The following RASAL3 variants were observed in gnomAD, a reference collection of about 807,000 sequenced individuals.
RASAL3 encodes the protein RAS protein activator like 3.
Under a neutral mutation model 105.5 loss-of-function variants are expected in RASAL3, and 74 were observed. That is an observed-to-expected ratio of 0.70 (90% CI 0.58 to 0.85). The LOEUF is 0.85. RASAL3 is among the 40% of genes least tolerant of loss of function. The pLI is 0.00. For missense variants in RASAL3, 1,352 were observed against 1,392.0 expected, an observed-to-expected ratio of 0.97 and a Z score of 0.46; for synonymous variants, 579 against 591.6, an observed-to-expected ratio of 0.98 and a Z score of 0.31.
At chr19:15,455,421 G>T (rs1970286306) in intron 11 of RASAL3, among the ~76,000 whole-genome samples, 1 of 152,156 alleles carries the variant, frequency 6.6e-6, no homozygotes, top group South Asian at 2.1e-4. Flanking sequence ...GTCACTTAAA[G>T]CCAGGGATCA....
At chr19:15,458,792 G>T (rs867056230) in intron 6 of RASAL3, 137 bp from the exon 7 acceptor site, 7 of 889,314 alleles carry the variant, frequency 7.9e-6, no homozygotes, top group African/African-American at 3.5e-5. Flanking sequence ...CCCACCCCCC[G>T]CCATGGCACC....
At chr19:15,463,987 G>A (rs533843924) in intron 2 of RASAL3, 44 bp downstream of exon 2, 12 of 1,494,762 alleles carry the variant, frequency 8.0e-6, no homozygotes, top group Admixed American at 6.9e-5. Flanking sequence ...CCAAGCATCC[G>A]GCTTCCCAGC....
chr19:15,459,554 T>C (rs1449577871), intron 6 of RASAL3, among the ~76,000 whole-genome samples: 37 of 152,068 alleles, frequency 2.4e-4, no homozygotes, highest in Admixed American at 2.4e-3. Context: ...CTATTTATTT[T>C]TGAGACACAA....
chr19:15,454,843 C>T lies in RASAL3; in HGVS notation c.1772G>A (p.Cys591Tyr). The change falls in exon 12 of 18, where the codon TGT becomes TAT. Residue 591 changes from cysteine to tyrosine, a missense_variant. This residue lies in a region of RASAL3 where 920 missense variants were observed against 919.6 expected (regional missense o/e 1.00). Transcript: ENST00000343625. ...GIVFSSWREA[C>Y]KERGSEVLGP... ...CAGCACCTCAGAGCCACGTTCTTTA[C>T]ATGCTTCTCGCCAGCTTGAGAACAC... 6.3e-7 allele frequency: 1 copy of T among 1,581,354 alleles called. No homozygotes were observed. The highest frequency in any genetic ancestry group is 8.6e-7 in the Non-Finnish European group (1 of 1,164,016).
At position 15,454,209 on chromosome 19, in the gene RASAL3, T is replaced by C. The variant is rs1240549405; in HGVS notation, c.2219A>G (p.Gln740Arg). 1 of 1,571,244 alleles carries C rather than the reference T, an allele frequency of 6.4e-7. No individual in the cohort carries two copies. The highest frequency in any genetic ancestry group is 1.4e-5 in the African/African-American group (1 of 74,072). ...PTILRAIEEG[Q>R]PVLVSVPMRL... ...CATTGGCACTGACACAAGCACAGGC[T>C]GGCCCTCCTCAATGGCTCGCAGGAT... Residue 740 changes from glutamine (Q) to arginine (R), a missense_variant, in exon 14 of 18, where the codon CAG becomes CGG. By Grantham distance (43) the Gln-to-Arg change is conservative. Around this residue, in one of 3 missense-constraint regions of RASAL3, gnomAD observed 920 missense variants for 919.6 expected, o/e 1.00. Coordinates refer to ENST00000343625, the MANE Select transcript of RASAL3 (RefSeq NM_022904.3).
In RASAL3 at chr19:15,461,579, G is replaced by C; in HGVS notation, c.357C>G (p.Pro119=). Residue 119 remains proline (P), a synonymous_variant, in exon 3 of 18, where the codon CCC becomes CCG. Coordinates refer to ENST00000343625, the MANE Select transcript of RASAL3 (RefSeq NM_022904.3). ...PELEPEPELE[P]PTPQIPEAPT... Reference sequence around the variant, plus strand: ...GGGCCTCAGGGATCTGTGGGGTAGGGGGCTCCAGCTCTGGCTCCGGCTCCA... The same window carrying C: ...GGGCCTCAGGGATCTGTGGGGTAGGCGGCTCCAGCTCTGGCTCCGGCTCCA... The C allele has an allele frequency of 1.3e-6, 2 of 1,532,392 alleles. 1 individual carries two copies. Among genetic ancestry groups the C allele is most frequent in the South Asian group, 2.5e-5 (2 of 79,218 alleles). 94.9% of individuals were successfully genotyped at this position (1,532,392 alleles called of 1,614,324 possible).
intron 17 of RASAL3, 38 bp from the exon 18 acceptor site, chr19:15,451,976 G>C: frequency 6.2e-7 from 1 of 1,613,224 alleles, no homozygotes; most frequent in South Asian, 1.1e-5. Context: ...GAAACCAGGA[G>C]AGGGCTGCAC....
chr19:15,458,791 C>CCCG (rs1970417153), intron 6 of RASAL3, 136 bp from the exon 7 acceptor site: 1 of 1,177,716 alleles, frequency 8.5e-7, no homozygotes, highest in African/African-American at 1.5e-5. Flanking sequence ...CCCCACCCCC[C>CCCG]GCCATGGCAC....
At chr19:15,458,479 G>A (rs1970400897) in intron 7 of RASAL3, 50 bp downstream of exon 7, 1 of 1,613,634 alleles carries the variant, frequency 6.2e-7, no homozygotes, top group East Asian at 2.2e-5. Flanking sequence ...TGAAGCCAAA[G>A]GGTGGGAGGT....
chr19:15,458,917 C>T (rs1271647239), intron 6 of RASAL3, among the ~76,000 whole-genome samples: 1 of 151,446 alleles, frequency 6.6e-6, no homozygotes, highest in Middle Eastern at 3.2e-3. Context: ...TCCAGCCTCC[C>T]TGGCCTTGTT....
chr19:15,463,068 A>AT (rs373369401), intron 2 of RASAL3, among the ~76,000 whole-genome samples: 3 of 147,732 alleles, frequency 2.0e-5, no homozygotes, highest in African/African-American at 7.5e-5. Context: ...ACCATCTGTC[A>AT]TTTTTTTTCT....
At position 15,454,495 on chromosome 19, in the gene RASAL3, G is replaced by T. The variant is rs761634798; in HGVS notation, c.2026C>A (p.Gln676Lys). ...SFLEEHGPAM[Q>K]CFLDQVAMVD... ...ATGGCTACCTGGTCCAGGAAGCATT[G>T]CATGGCTGGTCCATGTTCCTCCAGG... Residue 676 changes from glutamine (Q) to lysine (K), a missense_variant, in exon 13 of 18, where the codon CAA (glutamine) becomes AAA (lysine). Coordinates refer to ENST00000343625, the MANE Select transcript of RASAL3 (RefSeq NM_022904.3). 6.2e-6 allele frequency: 10 copies of T among 1,613,880 alleles called. No individual in the cohort carries two copies. The East Asian group carries it at 2.2e-4, about 36-fold the overall frequency.
At chr19:15,452,474 T>G in intron 16 of RASAL3, 184 bp downstream of exon 16, 2 of 597,122 alleles carry the variant, frequency 3.3e-6, no homozygotes, top group Non-Finnish European at 5.8e-6. Context: ...CCGACCTTCG[T>G]TGGGTGGGTC....
At chr19:15,460,126 T>C in intron 6 of RASAL3, 77 bp downstream of exon 6, 2 of 1,235,178 alleles carry the variant, frequency 1.6e-6, no homozygotes, top group Non-Finnish European at 2.3e-6. Context: ...TGGTGTAGAT[T>C]GGAATGATAT....
rs571741254 is a variant in RASAL3 at position 15,451,732 on chromosome 19, AC to A, written c.*62del. The A allele has an allele frequency of 1.2e-5, 18 of 1,529,498 alleles. No homozygotes were observed. The African/African-American group carries it at 2.2e-4, about 19-fold the overall frequency. 94.7% of individuals were successfully genotyped at this position (1,529,498 alleles called of 1,614,324 possible). A position where few individuals can be genotyped will look rare whatever the true frequency, so the allele number is the denominator to read the frequency against. ...AAGTAGGGCTAAGGCAAAGTCAGAC[AC>A]CCCCCCTAAGATGGCTATCTCTCTG... On this transcript the variant is annotated 3_prime_UTR_variant, in exon 18 of 18. Transcript: ENST00000343625.
chr19:15,455,927 G>C (rs985194048), intron 11 of RASAL3, among the ~76,000 whole-genome samples, 177 bp downstream of exon 11: 1 of 152,114 alleles, frequency 6.6e-6, no homozygotes, highest in Non-Finnish European at 1.5e-5. Context: ...TTGGGATTAC[G>C]GGCGTGAGTC....
At chr19:15,452,531 T>G (rs370343483) in intron 16 of RASAL3, 127 bp downstream of exon 16, 12 of 746,822 alleles carry the variant, frequency 1.6e-5, no homozygotes, top group African/African-American at 9.6e-5. Context: ...GACAGACTTA[T>G]TGGGGCGGGG....
Position 15,454,130 on chromosome 19 carries a change from A to G in RASAL3, c.2279+19T>C, listed in dbSNP as rs1204489844. The G allele has an allele frequency of 6.5e-7, 1 of 1,534,180 alleles. No individual in the cohort carries two copies. Among genetic ancestry groups the G allele is most frequent in the South Asian group, 1.2e-5 (1 of 82,910 alleles). On this transcript the variant is annotated intron_variant, in intron 14 of 17. Coordinates refer to ENST00000343625, the MANE Select transcript of RASAL3 (RefSeq NM_022904.3). ...TTCCTGTTCCCACCCATCAGACCCC[A>G]GACCAGACTTGAGGTTACCTGGAGT...
At chr19:15,464,446 C>T in intron 1 of RASAL3, 59 bp downstream of exon 1, 1 of 1,309,866 alleles carries the variant, frequency 7.6e-7, no homozygotes, top group Non-Finnish European at 1.1e-6. Flanking sequence ...CGGCCCCCTC[C>T]CCACCCTCAG....
Sources: gnomAD v4.1 joint callset for allele counts (sites outside exome capture counted in the v4.1 genomes callset) on GRCh38, gnomAD v4.1.1 for gene constraint, gnomAD v4.1.1 regional missense constraint, MANE v1.5 for transcripts, NCBI Gene and HGNC (gene_info 2026-07-23, HGNC 2026-07-21) for gene names.